POLN: variants seen among roughly 807,000 people sequenced by gnomAD.
POLN encodes DNA polymerase nu.
A neutral mutation model predicts 113.5 loss-of-function variants in POLN; 108 were observed. The ratio of observed to expected loss-of-function variants is 0.95; its 90% CI spans 0.81 to 1.12. The LOEUF is 1.12. POLN is among the 50% of genes most tolerant of loss of function. The probability of loss-of-function intolerance (pLI) is 0.00; values close to 1 mark genes in which losing one functional copy is unlikely to be tolerated. For synonymous variants in POLN, 386 were observed against 391.5 expected (o/e 0.99, Z 0.17); for missense variants, 1,097 against 1,077.1 (o/e 1.02, Z -0.26).
intron 3 of POLN, among the ~76,000 whole-genome samples, chr4:2,215,777 T>C (rs1179826343): frequency 6.6e-6 from 1 of 152,220 alleles, no homozygotes; most frequent in Non-Finnish European, 1.5e-5. Context: ...TGGCGGGCCT[T>C]TTCCTTGGGA....
At chr4:2,081,429 T>C in intron 22 of POLN, 1 of 632,564 alleles carries the variant, frequency 1.6e-6, no homozygotes, top group Admixed American at 2.7e-5. Context: ...CATCCAATCA[T>C]CCTAGCTACA....
intron 4 of POLN, among the ~76,000 whole-genome samples, chr4:2,210,451 T>C (rs1733961209): frequency 6.6e-6 from 1 of 151,380 alleles, no homozygotes; most frequent in Non-Finnish European, 1.5e-5. Flanking sequence ...CATGGTGTCA[T>C]GTGCCTACGG....
At chr4:2,174,374 G>A (rs190138193) in intron 10 of POLN, among the ~76,000 whole-genome samples, 3 of 152,342 alleles carry the variant, frequency 2.0e-5, no homozygotes, top group Admixed American at 2.0e-4. Flanking sequence ...AGGTTCTCAA[G>A]GTTATAAGGA....
chr4:2,195,751 C>G (rs1170320376), intron 6 of POLN, among the ~76,000 whole-genome samples: 1 of 152,088 alleles, frequency 6.6e-6, no homozygotes, highest in African/African-American at 2.4e-5. Context: ...AGCCACTGTT[C>G]CTAGCCAAGG....
chr4:2,133,146 G>GGC (rs1160284569), intron 16 of POLN, among the ~76,000 whole-genome samples: 1 of 21,256 alleles, frequency 4.7e-5, no homozygotes, highest in Non-Finnish European at 1.0e-4. Flanking sequence ...TATAAAAAAT[G>GGC]GCAAAAAAAA....
In POLN at chr4:2,173,980, A is replaced by C; in HGVS notation, c.1349T>G (p.Met450Arg). 6.2e-7 allele frequency: 1 copy of C among 1,614,220 alleles called. No individual in the cohort carries two copies. The highest frequency in any genetic ancestry group is 1.1e-5 in the South Asian group (1 of 91,086). The change falls in exon 11 of 26, where the codon ATG becomes AGG. Residue 450 changes from methionine (M) to arginine (R), a missense_variant. Coordinates refer to ENST00000511885, the MANE Select transcript of POLN (RefSeq NM_181808.4). ...CCCAAGAAGTGCTGACGTCTTCTCC[A>C]TCTCCTCTTTGTTCACCTGAATGGC... ...SHAIQVNKEE[M>R]EKTSALLGAR...
intron 16 of POLN, among the ~76,000 whole-genome samples, chr4:2,143,867 T>C (rs921515310): frequency 6.6e-6 from 1 of 152,034 alleles, no homozygotes; most frequent in African/African-American, 2.4e-5. Context: ...TAAAGACAAG[T>C]ACACACAAAA....
At chr4:2,080,751 C>T (rs1279342713) in intron 23 of POLN, 1 of 1,445,394 alleles carries the variant, frequency 6.9e-7, no homozygotes. Context: ...GAGGCCTCAT[C>T]TGCACCCCAC....
At chr4:2,083,840 G>C (rs1232290861) in intron 21 of POLN, among the ~76,000 whole-genome samples, 1 of 152,212 alleles carries the variant, frequency 6.6e-6, no homozygotes, top group African/African-American at 2.4e-5. Context: ...AGGAAGAGCG[G>C]TGGAGGCAGC....
At position 2,081,105 on chromosome 4, in the gene POLN, C is replaced by T. The variant is rs201334698; in HGVS notation, c.2309-69G>A. 1.1e-5 allele frequency: 17 copies of T among 1,610,284 alleles called. 1 individual carries two copies. The East Asian group carries it at 3.8e-4, about 36-fold the overall frequency. The stretch of plus-strand genomic sequence containing the variant: ...TTCATGGTGCACTCAGCATTCTGCA[C>T]CATCGCCACAGCTCTCACGGTACCT... On this transcript the variant is annotated intron_variant, in intron 22 of 25. Transcript: ENST00000511885.
At chr4:2,229,331 T>C (rs1222785185) in intron 2 of POLN, 88 bp from the exon 3 acceptor site, 16 of 1,041,372 alleles carry the variant, frequency 1.5e-5, no homozygotes, top group East Asian at 5.7e-5. Flanking sequence ...AAAATTTATA[T>C]ACCAACTTTC....
intron 13 of POLN, among the ~76,000 whole-genome samples, chr4:2,162,843 C>A (rs1469418052): frequency 6.6e-6 from 1 of 151,438 alleles, no homozygotes; most frequent in African/African-American, 2.4e-5. Context: ...ATTTACTGAC[C>A]CTCGAGTCAA....
chr4:2,117,844 A>G (rs1458731556), intron 19 of POLN, among the ~76,000 whole-genome samples: 1 of 152,156 alleles, frequency 6.6e-6, no homozygotes, highest in African/African-American at 2.4e-5. Flanking sequence ...TCTTGGTTAC[A>G]TGTAAGAGAG....
At chr4:2,202,565 A>T (rs1351423613) in intron 5 of POLN, among the ~76,000 whole-genome samples, 1 of 152,042 alleles carries the variant, frequency 6.6e-6, no homozygotes, top group East Asian at 1.9e-4. Flanking sequence ...CTCTACTAAA[A>T]ATACAAAAAT....
chr4:2,091,477 C>T (rs1730661501), intron 20 of POLN, among the ~76,000 whole-genome samples: 1 of 152,114 alleles, frequency 6.6e-6, no homozygotes, highest in African/African-American at 2.4e-5. Context: ...CTTGGACACC[C>T]TTAGCAGTGG....
At chr4:2,141,064 C>G (rs1731989860) in intron 16 of POLN, 1 of 152,398 alleles carries the variant, frequency 6.6e-6, no homozygotes, top group Non-Finnish European at 1.5e-5. Context: ...AAGAAAGAGG[C>G]TGAGGAAAGG....
At chr4:2,164,459 C>T (rs1265215690) in intron 13 of POLN, among the ~76,000 whole-genome samples, 3 of 147,174 alleles carry the variant, frequency 2.0e-5, no homozygotes, top group African/African-American at 7.6e-5. Flanking sequence ...TGCTATCACA[C>T]CATTGCTCTC....
rs371185397 is a variant in POLN at position 2,127,225 on chromosome 4, T to C, written c.1982+888A>G. Reference sequence around the variant, plus strand: ...ATGGGGAGGTGGCACCTGCAGCTGATGAGGGAGGGGACAGTGACTCAGACA... The same window carrying C: ...ATGGGGAGGTGGCACCTGCAGCTGACGAGGGAGGGGACAGTGACTCAGACA... On this transcript the variant is annotated intron_variant, in intron 19 of 25. Transcript: ENST00000511885. The surrounding 1 kb of genome is among the most constrained non-coding windows in gnomAD (Gnocchi z 4.7). Among the ~76,000 whole-genome samples the C allele has an allele frequency of 1.5e-4, 22 of 151,512 alleles. No individual in the cohort carries two copies. In the East Asian group the frequency reaches 1.6e-3, roughly 11 times the overall value.
Position 2,178,664 on chromosome 4 carries a change from T to G in POLN, c.1179+644A>C, listed in dbSNP as rs571819715. ...TCTCACTCTGTCACTCAGGCTGGAGTTCAGTGGCACAATCTTGGCTTACTG... is the reference window on the plus strand; with the variant it reads ...TCTCACTCTGTCACTCAGGCTGGAGGTCAGTGGCACAATCTTGGCTTACTG... On this transcript the variant is annotated intron_variant, in intron 8 of 25. Transcript: ENST00000511885. 2.8e-4 allele frequency among the ~76,000 whole-genome samples: 42 copies of G among 149,476 alleles called. 2 individuals carry two copies. The highest frequency in any genetic ancestry group is 5.9e-4 in the Non-Finnish European group (40 of 67,400).
Sources: gnomAD v4.1 joint callset for allele counts (sites outside exome capture counted in the v4.1 genomes callset) on GRCh38, gnomAD v4.1.1 for gene constraint, Gnocchi (gnomAD v3.1) non-coding constraint, MANE v1.5 for transcripts, NCBI Gene and HGNC (gene_info 2026-07-23, HGNC 2026-07-21) for gene names.